PHLPP2: variants seen among roughly 807,000 people sequenced by gnomAD.
PHLPP2 encodes the protein PH domain leucine-rich repeat-containing protein phosphatase 2.
PHLPP2 carries 66 observed loss-of-function variants against 124.9 expected under a neutral mutation model. The observed-to-expected ratio is 0.53, with a 90% CI of 0.43 to 0.65. PHLPP2 has a LOEUF of 0.65. Ranked by LOEUF, PHLPP2 falls within the 30% of genes least tolerant of loss-of-function variation. The pLI is 0.00. For synonymous variants in PHLPP2, 681 were observed against 624.7 expected, an observed-to-expected ratio of 1.09 and a Z score of -1.34; for missense variants, 1,685 against 1,600.4, an observed-to-expected ratio of 1.05 and a Z score of -0.90.
chr16:71,681,351 G>A lies in PHLPP2; in HGVS notation c.890+400C>T, dbSNP rs190764114. Among the ~76,000 whole-genome samples the A allele has an allele frequency of 2.8e-3, 430 of 152,260 alleles. 1 individual carries two copies. The highest frequency in any genetic ancestry group is 0.01 in the Middle Eastern group (3 of 294). Reference sequence around the variant, plus strand: ...GACTAAACGCATAAGAGTTGGCAGTGGAAGGTACAAAGAGAAGATAGAGCC... The same window carrying A: ...GACTAAACGCATAAGAGTTGGCAGTAGAAGGTACAAAGAGAAGATAGAGCC... On this transcript the variant is annotated intron_variant, in intron 6 of 18. Coordinates refer to ENST00000568954, the MANE Select transcript of PHLPP2 (RefSeq NM_015020.3).
intron 13 of PHLPP2, 94 bp from the exon 14 acceptor site, chr16:71,658,909 G>A (rs868743505): frequency 1.6e-5 from 17 of 1,075,692 alleles, no homozygotes; most frequent in South Asian, 5.9e-5. Context: ...ACAGAAGGCC[G>A]ACACGGTCCA....
chr16:71,686,280 C>T (rs956380056), intron 4 of PHLPP2, among the ~76,000 whole-genome samples: 5 of 152,166 alleles, frequency 3.3e-5, no homozygotes, highest in Admixed American at 6.5e-5. Context: ...TCAAGTGATC[C>T]TCCCGCCTTA....
intron 8 of PHLPP2, chr16:71,677,140 C>A: frequency 6.2e-6 from 1 of 160,994 alleles, no homozygotes; most frequent in South Asian, 1.7e-4. Flanking sequence ...ACTCAAGGTA[C>A]AGCTAAGTTA....
At position 71,658,694 on chromosome 16, in the gene PHLPP2, T is replaced by C. The variant is rs1425630870; in HGVS notation, c.2107A>G (p.Ile703Val). 1.2e-5 allele frequency: 20 copies of C among 1,614,060 alleles called. No individual in the cohort carries two copies. The highest frequency in any genetic ancestry group is 1.6e-5 in the Non-Finnish European group (19 of 1,180,010). ...TGCAGTATTTCTGGGAAAATGCTGA[T>C]GTTGTTGGAGTGTGCAACAAGGGTG... The part of the protein sequence containing the change: ...LHTLVAHSNN[I>V]SIFPEILQLP... The change falls in exon 14 of 19, where the codon ATC becomes GTC. Residue 703 changes from isoleucine to valine, a missense_variant. Transcript: ENST00000568954.
At chr16:71,699,490 G>A (rs1277812334) in intron 3 of PHLPP2, among the ~76,000 whole-genome samples, 1 of 152,168 alleles carries the variant, frequency 6.6e-6, no homozygotes, top group Non-Finnish European at 1.5e-5. Flanking sequence ...GGGAGAGTGA[G>A]CTGCCCTTCC....
In PHLPP2 at chr16:71,656,626, C is replaced by G; in HGVS notation, c.2335G>C (p.Val779Leu). The change falls in exon 16 of 19, where the codon GTT (valine) becomes CTT (leucine). Residue 779 changes from valine (V) to leucine (L), a missense_variant. Physicochemically the swap from Val to Leu is conservative, Grantham distance 32. Transcript: ENST00000568954. Reference protein sequence around the residue: ...QKPLPTTDSTVTSTFWSHGLA... With the variant: ...QKPLPTTDSTLTSTFWSHGLA... ...CCATGGCTCCAGAAGGTTGACGTAA[C>G]TGTAGAATCTGTGGTTGGCAAAGGT... 6.2e-7 allele frequency: 1 copy of G among 1,613,790 alleles called. No individual in the cohort carries two copies. Among genetic ancestry groups the G allele is most frequent in the Non-Finnish European group, 8.5e-7 (1 of 1,179,752 alleles).
intron 17 of PHLPP2, among the ~76,000 whole-genome samples, chr16:71,654,615 G>A (rs1205641291): frequency 3.3e-5 from 5 of 152,168 alleles, no homozygotes; most frequent in Non-Finnish European, 7.3e-5. Context: ...ATAAGCTAAT[G>A]GGGTAAGCGT....
chr16:71,664,644 C>T (rs1034072724), intron 12 of PHLPP2, among the ~76,000 whole-genome samples: 11 of 151,914 alleles, frequency 7.2e-5, no homozygotes, highest in African/African-American at 2.4e-4. Context: ...CCCAGCTACT[C>T]GGGAGGCTGA....
Position 71,713,939 on chromosome 16 carries a change from ACTTTT to A in PHLPP2, c.284+568_284+572del, listed in dbSNP as rs1222086689. ...TACACTTTTCAAAAAAAAAACAACA[ACTTTT>A]CTTTTTTTTTTTTTTGAGACAGTGT... On this transcript the variant is annotated intron_variant, in intron 2 of 18. Transcript: ENST00000568954. Among the ~76,000 whole-genome samples, 48 of 147,550 alleles carry A rather than the reference ACTTTT, an allele frequency of 3.3e-4. 1 individual carries two copies. Among genetic ancestry groups the A allele is most frequent in the African/African-American group, 1.2e-3 (48 of 40,486 alleles).
intron 3 of PHLPP2, among the ~76,000 whole-genome samples, chr16:71,692,724 C>G (rs1328665641): frequency 1.3e-5 from 2 of 152,108 alleles, no homozygotes; most frequent in Non-Finnish European, 2.9e-5. Context: ...ATAACCTACG[C>G]ACAACTTCCT....
chr16:71,685,094 G>A (rs916485543), intron 4 of PHLPP2, among the ~76,000 whole-genome samples: 3 of 152,170 alleles, frequency 2.0e-5, no homozygotes, highest in Non-Finnish European at 4.4e-5. Context: ...TTGGGAGGCC[G>A]AGGCGGGCGG....
intron 4 of PHLPP2, among the ~76,000 whole-genome samples, chr16:71,685,344 C>A (rs140298060): frequency 1.3e-5 from 2 of 152,142 alleles, no homozygotes; most frequent in East Asian, 1.9e-4. Context: ...AAAAGAAATT[C>A]TCCCCCAAAT....
chr16:71,697,143 A>G (rs1338188080), intron 3 of PHLPP2, among the ~76,000 whole-genome samples: 2 of 151,888 alleles, frequency 1.3e-5, no homozygotes, highest in African/African-American at 4.8e-5. Context: ...ACTGCACTCA[A>G]GCCTGGGCGA....
rs140706036 is a variant in PHLPP2, at chr16:71,699,107, A to C, written c.418+3491T>G. Among the ~76,000 whole-genome samples the C allele has an allele frequency of 7.7e-4, 117 of 152,282 alleles. 1 individual carries two copies. Among genetic ancestry groups the C allele is most frequent in the African/African-American group, 2.7e-3 (114 of 41,568 alleles). ...ACAATAGTTGTGTCTGGTTTCAGGA[A>C]CTGGGTGGTTGGAGGAAAAAGGTGA... On this transcript the variant is annotated intron_variant, in intron 3 of 18. Coordinates refer to ENST00000568954, the MANE Select transcript of PHLPP2 (RefSeq NM_015020.3).
chr16:71,664,059 A>G lies in PHLPP2; in HGVS notation c.1825T>C (p.Leu609=), dbSNP rs1379019904. 3 of 1,613,996 alleles carry G rather than the reference A, an allele frequency of 1.9e-6. No homozygotes were observed. The highest frequency in any genetic ancestry group is 2.5e-6 in the Non-Finnish European group (3 of 1,179,864). ...LNASANSLES[L]PSACTGEESL... is the part of the protein sequence containing the mutation. ...TCCTCTCCAGTGCAGGCGGATGGTA[A>G]AGACTCCAGACTATTTGCAGATGCA... The change falls in exon 13 of 19, where the codon TTA becomes CTA. Residue 609 remains leucine (L), a synonymous_variant. Coordinates refer to ENST00000568954, the MANE Select transcript of PHLPP2 (RefSeq NM_015020.3).
rs1336418408 is a variant in PHLPP2 at position 71,655,370 on chromosome 16, A to T, written c.2455T>A (p.Phe819Ile). Residue 819 changes from phenylalanine (F) to isoleucine (I), a missense_variant, in exon 17 of 19, where the codon TTT becomes ATT. Phe to Ile is a conservative substitution (Grantham distance 21). Transcript: ENST00000568954. ...AEGVGAVYGM[F>I]DGDRNEELPR... The stretch of plus-strand genomic sequence containing the variant: ...AGCTCCTCATTTCGGTCTCCATCAA[A>T]CATGCCATACACAGCTCCCACCCCC... 6.2e-7 allele frequency: 1 copy of T among 1,614,148 alleles called. No homozygotes were observed. Among genetic ancestry groups the T allele is most frequent in the East Asian group, 2.2e-5 (1 of 44,888 alleles).
At chr16:71,692,362 C>T (rs1355281622) in intron 3 of PHLPP2, among the ~76,000 whole-genome samples, 1 of 152,176 alleles carries the variant, frequency 6.6e-6, no homozygotes, top group Non-Finnish European at 1.5e-5. Flanking sequence ...AGCCACCGCA[C>T]CTGGCCACTT....
At position 71,685,046 on chromosome 16, in the gene PHLPP2, G is replaced by A. The variant is rs967465573; in HGVS notation, c.610-445C>T. On this transcript the variant is annotated intron_variant, in intron 4 of 18. Transcript: ENST00000568954. Reference sequence around the variant, plus strand: ...AAAATAGCTCCTTAAAGAAATTCTCGGCCAGGCGTGGTGGCTCACGCCTGT... The same window carrying A: ...AAAATAGCTCCTTAAAGAAATTCTCAGCCAGGCGTGGTGGCTCACGCCTGT... Among the ~76,000 whole-genome samples the A allele has an allele frequency of 2.6e-5, 4 of 152,188 alleles. 1 individual carries two copies. Among genetic ancestry groups the A allele is most frequent in the African/African-American group, 4.8e-5 (2 of 41,438 alleles).
intron 16 of PHLPP2, 60 bp downstream of exon 16, chr16:71,656,511 G>T: frequency 1.1e-6 from 1 of 934,696 alleles, no homozygotes; most frequent in African/African-American, 1.6e-5. Context: ...CATCAGGCCA[G>T]TTCTCAGATG....
Sources: gnomAD v4.1 joint callset for allele counts (sites outside exome capture counted in the v4.1 genomes callset) on GRCh38, gnomAD v4.1.1 for gene constraint, MANE v1.5 for transcripts, NCBI Gene and HGNC (gene_info 2026-07-23, HGNC 2026-07-21) for gene names.